The following RBFOX1 variants were observed in gnomAD, a reference collection of about 807,000 sequenced individuals.
RBFOX1 encodes RNA binding protein fox-1 homolog 1.
In RBFOX1, 8 loss-of-function variants were observed where a neutral mutation model predicts 57.7. That is an observed-to-expected ratio of 0.14 (90% CI 0.08 to 0.25). The LOEUF is 0.25. Among genes scored for constraint, RBFOX1 ranks in the 10% least tolerant of loss-of-function variants. RBFOX1 has a pLI of 1.00. For synonymous variants in RBFOX1, 326 were observed against 222.4 expected (o/e 1.47, Z -4.15); for missense variants, 611 against 548.5 (o/e 1.11, Z -1.14).
At chr16:7,414,703 C>T (rs62015699) in intron 4 of RBFOX1, among the ~76,000 whole-genome samples, 12 of 152,132 alleles carry the variant, frequency 7.9e-5, no homozygotes, top group South Asian at 4.1e-4. Flanking sequence ...CTGCAACCTC[C>T]GCCTCCCGGG....
At chr16:7,607,800 C>G (rs1358331093) in intron 10 of RBFOX1, among the ~76,000 whole-genome samples, 1 of 152,168 alleles carries the variant, frequency 6.6e-6, no homozygotes, top group African/African-American at 2.4e-5. Flanking sequence ...AAGGGAAGGC[C>G]TTTTTCGATA....
chr16:7,540,870 A>G (rs1357706814), intron 5 of RBFOX1, among the ~76,000 whole-genome samples: 1 of 151,998 alleles, frequency 6.6e-6, no homozygotes, highest in Non-Finnish European at 1.5e-5. Flanking sequence ...TAAACCCTAA[A>G]CTCCTCATGT....
At chr16:6,959,335 G>C (rs1248009690) in intron 3 of RBFOX1, among the ~76,000 whole-genome samples, 1 of 152,054 alleles carries the variant, frequency 6.6e-6, no homozygotes, top group African/African-American at 2.4e-5. Context: ...AGAAACTATT[G>C]TTTTCAATAC....
intron 14 of RBFOX1, among the ~76,000 whole-genome samples, chr16:7,701,785 A>G (rs1281612423): frequency 2.0e-5 from 3 of 152,228 alleles, no homozygotes; most frequent in Non-Finnish European, 4.4e-5. Flanking sequence ...TGACCAACAG[A>G]TCTGAAGTCC....
chr16:6,086,778 A>G (rs1354033223), intron 1 of RBFOX1, among the ~76,000 whole-genome samples: 1 of 152,224 alleles, frequency 6.6e-6, no homozygotes, highest in East Asian at 1.9e-4. Context: ...GCAGGTATTT[A>G]TTAAGCTAAA....
intron 4 of RBFOX1, among the ~76,000 whole-genome samples, chr16:7,304,729 T>C (rs2096130613): frequency 6.6e-6 from 1 of 152,144 alleles, no homozygotes; most frequent in Non-Finnish European, 1.5e-5. Flanking sequence ...CACCGGAAGT[T>C]TGAAATGGAA....
chr16:7,644,375 C>A (rs914135676), intron 11 of RBFOX1, among the ~76,000 whole-genome samples: 3 of 152,180 alleles, frequency 2.0e-5, no homozygotes, highest in Non-Finnish European at 2.9e-5. Flanking sequence ...GATAATGGAG[C>A]CTCAGAGGTT....
chr16:6,593,956 G>C (rs533879374), intron 2 of RBFOX1, among the ~76,000 whole-genome samples: 1 of 152,148 alleles, frequency 6.6e-6, no homozygotes, highest in Non-Finnish European at 1.5e-5. Context: ...TCAATTTGGC[G>C]TTTAGGATTA....
chr16:7,478,427 T>C (rs1377932512), intron 4 of RBFOX1, among the ~76,000 whole-genome samples: 1 of 152,028 alleles, frequency 6.6e-6, no homozygotes, highest in African/African-American at 2.4e-5. Context: ...GTTAGAGAAA[T>C]AGTGTAGCAA....
intron 11 of RBFOX1, among the ~76,000 whole-genome samples, chr16:7,631,066 G>A (rs1172782584): frequency 6.6e-6 from 1 of 152,164 alleles, no homozygotes; most frequent in African/African-American, 2.4e-5. Flanking sequence ...TGCTTAACCA[G>A]GATTCTTGTA....
intron 2 of RBFOX1, among the ~76,000 whole-genome samples, chr16:6,633,173 G>A (rs2098403961): frequency 6.6e-6 from 1 of 152,168 alleles, no homozygotes; most frequent in African/African-American, 2.4e-5. Flanking sequence ...TCTTAGCAGG[G>A]CAGGTCAGAT....
In RBFOX1 at chr16:6,054,908, A is replaced by G. The variant is rs146043864; in HGVS notation, c.-127+34916A>G. Among the ~76,000 whole-genome samples, 643 of 152,118 alleles carry G rather than the reference A, an allele frequency of 4.2e-3. 4 individuals are homozygous for G. Among genetic ancestry groups the G allele is most frequent in the African/African-American group, 0.015 (608 of 41,504 alleles). ...AGTGATTCTCCTGCCTCAGCCTCCCAAGTAGCTGGGACTGCAGGTGTGTGC... is the reference window on the plus strand; with the variant it reads ...AGTGATTCTCCTGCCTCAGCCTCCCGAGTAGCTGGGACTGCAGGTGTGTGC... On this transcript the variant is annotated intron_variant, in intron 1 of 15. Coordinates refer to ENST00000550418, the MANE Select transcript of RBFOX1 (RefSeq NM_018723.4).
intron 1 of RBFOX1, among the ~76,000 whole-genome samples, chr16:6,301,371 C>G (rs563690633): frequency 6.6e-6 from 1 of 151,916 alleles, no homozygotes; most frequent in Non-Finnish European, 1.5e-5. Flanking sequence ...AGGATTTTGC[C>G]TTATTAGGAT....
At chr16:5,895,017 C>T (rs35797820) in intron 4 of RBFOX1, among the ~76,000 whole-genome samples, 43,780 of 151,594 alleles carry the variant, frequency 0.29, 6,650 homozygotes, top group East Asian at 0.38. Flanking sequence ...AGTGAGACTC[C>T]GTCTAAAAAA....
chr16:5,254,528 G>GC (rs534618484), intron 1 of RBFOX1, among the ~76,000 whole-genome samples: 114 of 152,268 alleles, frequency 7.5e-4, no homozygotes, highest in African/African-American at 2.6e-3. Context: ...GGTCTGCCAT[G>GC]CCCCCCGATC....
At chr16:6,334,979 A>T (rs937761075) in intron 2 of RBFOX1, among the ~76,000 whole-genome samples, 1 of 152,240 alleles carries the variant, frequency 6.6e-6, no homozygotes, top group South Asian at 2.1e-4. Context: ...GAACAGTGTC[A>T]TCCTATAATG....
chr16:6,783,183 T>G (rs886304529), intron 3 of RBFOX1, among the ~76,000 whole-genome samples: 3 of 152,008 alleles, frequency 2.0e-5, no homozygotes, highest in Non-Finnish European at 4.4e-5. Flanking sequence ...AAAAAAAAAT[T>G]TATTCAGCTA....
chr16:7,626,524 G>C (rs765209580), intron 10 of RBFOX1, among the ~76,000 whole-genome samples: 31 of 152,196 alleles, frequency 2.0e-4, no homozygotes, highest in Non-Finnish European at 3.4e-4. Flanking sequence ...ATTATTCTGA[G>C]ATTGAGGTCT....
chr16:7,652,926 G>A (rs1368035444), intron 11 of RBFOX1, among the ~76,000 whole-genome samples: 1 of 152,190 alleles, frequency 6.6e-6, no homozygotes, highest in Non-Finnish European at 1.5e-5. Context: ...ATCTGTACAT[G>A]AAGGAAACTG....
Sources: allele counts gnomAD v4.1 joint callset (sites outside exome capture counted in the v4.1 genomes callset), GRCh38; gene constraint gnomAD v4.1.1; transcripts MANE v1.5; gene names NCBI Gene and HGNC (gene_info 2026-07-23, HGNC 2026-07-21).